Variants in POLR1B observed in about 807,000 individuals in gnomAD.
POLR1B encodes the protein DNA-directed RNA polymerase I subunit RPA2.
POLR1B carries 30 observed loss-of-function variants against 105.8 expected under a neutral mutation model. The observed-to-expected ratio is 0.28, with a 90% CI of 0.21 to 0.38. The LOEUF (loss-of-function observed/expected upper bound fraction) is 0.38. Among genes scored for constraint, POLR1B ranks in the 10% least tolerant of loss-of-function variants. The probability of loss-of-function intolerance (pLI) is 1.00; values close to 1 mark genes in which losing one functional copy is unlikely to be tolerated. For missense variants in POLR1B, 976 were observed against 1,435.8 expected (o/e 0.68, Z 5.17); for synonymous variants, 485 against 505.1 (o/e 0.96, Z 0.53).
chr2:112,578,782 C>T lies in POLR1B; in HGVS notation c.*3053C>T, dbSNP rs1684974719. ...TATATATTTTTTCTATACATACATA[C>T]CTTTGATGTTTAATTAAGCACTGCA... On this transcript the variant is annotated 3_prime_UTR_variant, in exon 15 of 15. Coordinates refer to ENST00000263331, the MANE Select transcript of POLR1B (RefSeq NM_019014.6). Among the ~76,000 whole-genome samples the T allele has an allele frequency of 6.6e-6, 1 of 152,012 alleles. No individual in the cohort carries two copies. The highest frequency in any genetic ancestry group is 2.4e-5 in the African/African-American group (1 of 41,364).
chr2:112,550,758 G>T, intron 4 of POLR1B, 108 bp from the exon 5 acceptor site: 1 of 1,165,120 alleles, frequency 8.6e-7, no homozygotes, highest in Non-Finnish European at 1.2e-6. Context: ...TAAACTTAGT[G>T]ATTTGGCTTT....
intron 5 of POLR1B, among the ~76,000 whole-genome samples, chr2:112,551,227 C>T (rs75973823): frequency 0.018 from 2,807 of 152,214 alleles, 45 homozygotes; most frequent in Non-Finnish European, 0.028. Context: ...ACTTGTGGCC[C>T]AGGGTCTCAG....
In POLR1B at chr2:112,550,846, T is replaced by C. The variant is rs1367435536; in HGVS notation, c.626-20T>C. The C allele has an allele frequency of 6.2e-7, 1 of 1,610,598 alleles. No homozygotes were observed. The highest frequency in any genetic ancestry group is 1.3e-5 in the African/African-American group (1 of 74,718). ...AAGATATCAATGAGTTTCTGATTTT[T>C]TTGTTGTTTGGTTCAATAGGAGTTT... On this transcript the variant is annotated intron_variant, in intron 4 of 14. Coordinates refer to ENST00000263331, the MANE Select transcript of POLR1B (RefSeq NM_019014.6).
chr2:112,573,740 C>G lies in POLR1B; in HGVS notation c.2450C>G (p.Ala817Gly). Residue 817 changes from alanine to glycine, a missense_variant, in exon 14 of 15, where the codon GCA (alanine) becomes GGA (glycine). Ala to Gly is a moderately conservative substitution (Grantham distance 60, BLOSUM62 0). Transcript: ENST00000263331. Reference sequence around the variant, plus strand: ...GACGATGGATTGCCGTTTATAGGAGCAAAACTGCAGTACGGAGATCCGTAT... The same window carrying G: ...GACGATGGATTGCCGTTTATAGGAGGAAAACTGCAGTACGGAGATCCGTAT... ...LDDDGLPFIG[A>G]KLQYGDPYYS... The G allele has an allele frequency of 6.2e-7, 1 of 1,614,216 alleles. No homozygotes were observed. Among genetic ancestry groups the G allele is most frequent in the Non-Finnish European group, 8.5e-7 (1 of 1,180,038 alleles).
chr2:112,559,665 A>G (rs767952505), intron 9 of POLR1B, 91 bp downstream of exon 9: 17 of 1,467,880 alleles, frequency 1.2e-5, no homozygotes, highest in African/African-American at 2.8e-5. Context: ...GAGTGTTGCT[A>G]TGTCGCCCAG....
At chr2:112,550,726 AT>A in intron 4 of POLR1B, 139 bp from the exon 5 acceptor site, 1 of 818,402 alleles carries the variant, frequency 1.2e-6, no homozygotes, top group Non-Finnish European at 1.9e-6. Context: ...GTTTAGAAAC[AT>A]TTTTGATTGC....
At chr2:112,559,212 A>C in intron 8 of POLR1B, 81 bp from the exon 9 acceptor site, 1 of 1,485,592 alleles carries the variant, frequency 6.7e-7, no homozygotes, top group Non-Finnish European at 9.2e-7. Context: ...GAGTGCTCTG[A>C]GGTTTTGTCG....
At position 112,573,748 on chromosome 2, in the gene POLR1B, C is replaced by T; in HGVS notation, c.2458C>T (p.Gln820Ter). 6.2e-7 allele frequency: 1 copy of T among 1,614,198 alleles called. No individual in the cohort carries two copies. The highest frequency in any genetic ancestry group is 8.5e-7 in the Non-Finnish European group (1 of 1,180,026). ...DGLPFIGAKL[Q>*]YGDPYYSYLN... The stretch of plus-strand genomic sequence containing the variant: ...ATTGCCGTTTATAGGAGCAAAACTG[C>T]AGTACGGAGATCCGTATTACAGCTA... The change falls in exon 14 of 15, where the codon CAG becomes TAG. Residue 820 changes from glutamine (Q) to a stop codon, truncating the protein, a stop_gained. Transcript: ENST00000263331. LOFTEE classifies it high-confidence loss of function.
At chr2:112,543,648 G>A (rs1045700271) in intron 1 of POLR1B, among the ~76,000 whole-genome samples, 5 of 152,092 alleles carry the variant, frequency 3.3e-5, no homozygotes, top group African/African-American at 1.2e-4. Context: ...AGCTTTGATT[G>A]CCAGTCTGAT....
chr2:112,555,906 G>A (rs996623945), intron 7 of POLR1B, among the ~76,000 whole-genome samples: 1 of 152,050 alleles, frequency 6.6e-6, no homozygotes, highest in African/African-American at 2.4e-5. Flanking sequence ...ATTGAAATAA[G>A]CAATATAAAA....
rs1391092639 is a variant in POLR1B at position 112,568,128 on chromosome 2, T to TATG, written c.1909_1911dup (p.Met637dup). On this transcript the variant is annotated inframe_insertion, in exon 11 of 15. Transcript: ENST00000263331. ...TGGGCAAAGAAGAGCTAATTGGAACTATGGAACAGGTAAATACATATGTGT... is the reference window on the plus strand; with the variant it reads ...TGGGCAAAGAAGAGCTAATTGGAACTATGATGGAACAGGTAAATACATATGTGT... 1 of 1,613,742 alleles carries TATG rather than the reference T, an allele frequency of 6.2e-7. No individual in the cohort carries two copies. The highest frequency in any genetic ancestry group is 8.5e-7 in the Non-Finnish European group (1 of 1,179,646).
At chr2:112,574,773 T>C in intron 14 of POLR1B, 74 bp from the exon 15 acceptor site, 1 of 1,121,754 alleles carries the variant, frequency 8.9e-7, no homozygotes, top group Non-Finnish European at 1.3e-6. Flanking sequence ...TATGAAGCAC[T>C]AATTATATCA....
At position 112,547,135 on chromosome 2, in the gene POLR1B, G is replaced by A. The variant is rs747673959; in HGVS notation, c.301G>A (p.Ala101Thr). Residue 101 changes from alanine to threonine, a missense_variant, in exon 2 of 15, where the codon GCA (alanine) becomes ACA (threonine). Ala to Thr is a moderately conservative substitution (Grantham distance 58). Transcript: ENST00000263331. ...TICKEANVYPAECRGRRSTYR... is the reference protein window; with the variant it reads ...TICKEANVYPTECRGRRSTYR... ...CTGCAAAGAGGCCAATGTTTATCCAGCAGAATGCCGGGGCCGAAGGAGTAC... is the reference window on the plus strand; with the variant it reads ...CTGCAAAGAGGCCAATGTTTATCCAACAGAATGCCGGGGCCGAAGGAGTAC... 1 of 1,614,152 alleles carries A rather than the reference G, an allele frequency of 6.2e-7. No individual in the cohort carries two copies. Among genetic ancestry groups the A allele is most frequent in the Admixed American group, 1.7e-5 (1 of 60,020 alleles).
chr2:112,543,712 A>G (rs540435544), intron 1 of POLR1B, among the ~76,000 whole-genome samples: 1 of 152,296 alleles, frequency 6.6e-6, no homozygotes, highest in African/African-American at 2.4e-5. Flanking sequence ...TATTGTTTAG[A>G]AAGACTAGAG....
At chr2:112,554,866 A>G (rs1683567355) in intron 7 of POLR1B, among the ~76,000 whole-genome samples, 1 of 152,026 alleles carries the variant, frequency 6.6e-6, no homozygotes, top group Non-Finnish European at 1.5e-5. Context: ...GCACAGAGAG[A>G]TCGCTACAGA....
At chr2:112,557,846 T>C in intron 7 of POLR1B, 64 bp from the exon 8 acceptor site, 3 of 947,010 alleles carry the variant, frequency 3.2e-6, no homozygotes, top group Non-Finnish European at 2.8e-6. Context: ...CCTGGGATTA[T>C]AGATGTGAGC....
intron 7 of POLR1B, among the ~76,000 whole-genome samples, chr2:112,556,545 C>G (rs555707641): frequency 3.3e-5 from 5 of 152,296 alleles, no homozygotes; most frequent in African/African-American, 1.2e-4. Flanking sequence ...ACTTCCAGTG[C>G]TGTCTTCTGG....
intron 11 of POLR1B, 58 bp from the exon 12 acceptor site, chr2:112,568,688 A>G (rs1047902158): frequency 5.1e-6 from 8 of 1,561,422 alleles, no homozygotes; most frequent in African/African-American, 1.4e-5. Flanking sequence ...GAGAAATGGT[A>G]AGAGTAAATG....
chr2:112,578,210 A>G lies in POLR1B; in HGVS notation c.*2481A>G, dbSNP rs536499423. On this transcript the variant is annotated 3_prime_UTR_variant, in exon 15 of 15. Transcript: ENST00000263331. ...CATGCACTCATTTGTGTTGCATGTGATATATAGTTCTATTTCATTTTATCA... is the reference window on the plus strand; with the variant it reads ...CATGCACTCATTTGTGTTGCATGTGGTATATAGTTCTATTTCATTTTATCA... Among the ~76,000 whole-genome samples the G allele has an allele frequency of 2.6e-5, 4 of 152,350 alleles. No individual in the cohort carries two copies. The highest frequency in any genetic ancestry group is 9.6e-5 in the African/African-American group (4 of 41,582).
Sources: allele counts gnomAD v4.1 joint callset (sites outside exome capture counted in the v4.1 genomes callset), GRCh38; gene constraint gnomAD v4.1.1; transcripts MANE v1.5; gene names NCBI Gene and HGNC (gene_info 2026-07-23, HGNC 2026-07-21).